FAM53A: variants seen among roughly 807,000 people sequenced by gnomAD.
The protein encoded by FAM53A is family with sequence similarity 53 member A, also known as protein FAM53A.
FAM53A carries 28 observed loss-of-function variants against 26.6 expected under a neutral mutation model. The ratio of observed to expected loss-of-function variants is 1.05; its 90% CI spans 0.78 to 1.45. The LOEUF is 1.45. FAM53A is among the 40% of genes most tolerant of loss of function. The probability of loss-of-function intolerance (pLI) is 0.00; values close to 1 mark genes in which losing one functional copy is unlikely to be tolerated. For missense variants in FAM53A, 650 were observed against 575.8 expected (o/e 1.13, Z -1.32); for synonymous variants, 290 against 253.1 (o/e 1.15, Z -1.38).
chr4:1,628,240 G>GCACAGGGGGAGGGTGC (rs1253483736), intron 1 of FAM53A, among the ~76,000 whole-genome samples: 1 of 946 alleles, frequency 1.1e-3, no homozygotes, highest in Non-Finnish European at 2.0e-3. Flanking sequence ...GGGGAGGGTG[G>GCACAGGGGGAGGGTGC]CACGGGGGGA....
At chr4:1,579,424 G>A in the FAM53A span, among the ~76,000 whole-genome samples, 2 of 151,580 alleles carry the variant, frequency 1.3e-5, no homozygotes, top group African/African-American at 4.8e-5. Flanking sequence ...GGGCGCCTGC[G>A]CCACCCCCCC....
chr4:1,586,301 C>A, the FAM53A span, among the ~76,000 whole-genome samples: 1 of 151,916 alleles, frequency 6.6e-6, no homozygotes, highest in African/African-American at 2.4e-5. Context: ...TCAAGCGATT[C>A]TCCTGACTCA....
At chr4:1,626,770 C>T (rs751241984) in intron 1 of FAM53A, among the ~76,000 whole-genome samples, 4 of 151,866 alleles carry the variant, frequency 2.6e-5, no homozygotes, top group Non-Finnish European at 4.4e-5. Flanking sequence ...ACAGCCATGC[C>T]CTGAGCCCAG....
At chr4:1,679,386 CAAAAA>C (rs34354638) in intron 1 of FAM53A, among the ~76,000 whole-genome samples, 1 of 61,218 alleles carries the variant, frequency 1.6e-5, no homozygotes. Flanking sequence ...ACCATGTCTC[CAAAAA>C]AAAAAAAAAA....
chr4:1,578,472 G>A, the FAM53A span, among the ~76,000 whole-genome samples: 1 of 151,894 alleles, frequency 6.6e-6, no homozygotes, highest in East Asian at 2.0e-4. Context: ...GAGCCGGTGT[G>A]GCCTGGAAGC....
chr4:1,626,537 C>T (rs1319581788), intron 1 of FAM53A, among the ~76,000 whole-genome samples: 1 of 151,768 alleles, frequency 6.6e-6, no homozygotes, highest in Non-Finnish European at 1.5e-5. Context: ...CTCTCAGCCA[C>T]AGCCATGCCC....
At chr4:1,590,954 G>GTATA in the FAM53A span, among the ~76,000 whole-genome samples, 2 of 23,666 alleles carry the variant, frequency 8.5e-5, no homozygotes, top group Admixed American at 4.8e-4. Context: ...ATTATTTAAT[G>GTATA]CATATATATA....
At chr4:1,592,019 T>A in the FAM53A span, among the ~76,000 whole-genome samples, 1 of 152,154 alleles carries the variant, frequency 6.6e-6, no homozygotes, top group Non-Finnish European at 1.5e-5. Context: ...GACCACAGGC[T>A]GAGCCCAGCA....
At chr4:1,683,105 C>G (rs1184989232) in intron 1 of FAM53A, among the ~76,000 whole-genome samples, 1 of 152,204 alleles carries the variant, frequency 6.6e-6, no homozygotes, top group African/African-American at 2.4e-5. Context: ...TGGCGCCGGA[C>G]GAGGGAAAAC....
At chr4:1,632,851 T>A (rs1384361526) in intron 1 of FAM53A, among the ~76,000 whole-genome samples, 4 of 152,212 alleles carry the variant, frequency 2.6e-5, no homozygotes, top group Non-Finnish European at 5.9e-5. Context: ...GACACACAGT[T>A]ACACGTGCAC....
the FAM53A span, among the ~76,000 whole-genome samples, chr4:1,586,255 G>A: frequency 1.2e-4 from 18 of 151,644 alleles, no homozygotes; most frequent in Non-Finnish European, 2.1e-4. Flanking sequence ...GTGCAGTGGC[G>A]CGATCTCGGC....
chr4:1,599,153 CTGGAGCT>C, the FAM53A span, among the ~76,000 whole-genome samples: 135 of 150,384 alleles, frequency 9.0e-4, 1 homozygote, highest in African/African-American at 3.1e-3. The surrounding 1 kb of genome is among the most constrained non-coding windows in gnomAD (Gnocchi z 6.1). Flanking sequence ...ATCCAGGGTG[CTGGAGCT>C]CAGGGCCGTC....
chr4:1,649,985 TGGCGTTTGACTGTGAGGTGGCACAGGC>T (rs2108862299), intron 4 of FAM53A, among the ~76,000 whole-genome samples: 23 of 86,316 alleles, frequency 2.7e-4, no homozygotes, highest in Admixed American at 1.0e-3. Flanking sequence ...GGCACAGGCG[TGGCGTTTGACTGTGAGGTGGCACAGGC>T]GTGGCGTTTG....
intron 2 of FAM53A, 49 bp from the exon 3 acceptor site, chr4:1,657,517 G>A (rs769738709): frequency 1.7e-5 from 26 of 1,520,682 alleles, no homozygotes; most frequent in Middle Eastern, 1.7e-4. Flanking sequence ...GTGAGAATTC[G>A]GCAATAATAT....
the FAM53A span, among the ~76,000 whole-genome samples, chr4:1,586,291 T>A: frequency 6.6e-6 from 1 of 151,902 alleles, no homozygotes; most frequent in African/African-American, 2.4e-5. Context: ...CCTCCTGGGT[T>A]CAAGCGATTC....
chr4:1,576,638 C>T, the FAM53A span, among the ~76,000 whole-genome samples: 6 of 152,338 alleles, frequency 3.9e-5, no homozygotes, highest in African/African-American at 9.6e-5. Flanking sequence ...GTGAACGTTA[C>T]GGTAAATCTG....
chr4:1,610,071 G>C, the FAM53A span, among the ~76,000 whole-genome samples: 1 of 151,836 alleles, frequency 6.6e-6, no homozygotes, highest in Non-Finnish European at 1.5e-5. Context: ...CGGCCCCCGA[G>C]ATGGGTGTCT....
chr4:1,586,796 A>G, the FAM53A span, among the ~76,000 whole-genome samples: 4 of 151,142 alleles, frequency 2.6e-5, 1 homozygote, highest in East Asian at 1.9e-4. Context: ...AAAAAAAAAA[A>G]AAGAAGAAGA....
At chr4:1,681,059 G>A (rs1715400590) in intron 1 of FAM53A, among the ~76,000 whole-genome samples, 1 of 152,072 alleles carries the variant, frequency 6.6e-6, no homozygotes, top group Admixed American at 6.6e-5. Context: ...CATACAGGAG[G>A]TCCTGCATGT....
Sources: gnomAD v4.1 joint callset for allele counts (sites outside exome capture counted in the v4.1 genomes callset) on GRCh38, gnomAD v4.1.1 for gene constraint, Gnocchi (gnomAD v3.1) non-coding constraint, MANE v1.5 for transcripts, NCBI Gene and HGNC (gene_info 2026-07-23, HGNC 2026-07-21) for gene names.